Variants in PLA2G4A observed in about 807,000 individuals in gnomAD.
PLA2G4A encodes cytosolic phospholipase A2.
A neutral mutation model predicts 81.9 loss-of-function variants in PLA2G4A; 40 were observed. The observed-to-expected ratio is 0.49, with a 90% confidence interval of 0.38 to 0.64. PLA2G4A has a LOEUF of 0.64. PLA2G4A is among the 30% of genes least tolerant of loss of function. The pLI, the probability that PLA2G4A is intolerant of heterozygous loss-of-function variation, is 0.00. For synonymous variants in PLA2G4A, 302 were observed against 296.9 expected (o/e 1.02, Z -0.18); for missense variants, 715 against 905.1 (o/e 0.79, Z 2.69).
chr1:186,871,497 T>G (rs1653267472), intron 3 of PLA2G4A, among the ~76,000 whole-genome samples: 4 of 152,120 alleles, frequency 2.6e-5, no homozygotes, highest in Admixed American at 2.6e-4. Context: ...CAGGTAGGGT[T>G]CCCAGCCCAA....
At chr1:186,907,565 C>G (rs1039713309) in intron 6 of PLA2G4A, among the ~76,000 whole-genome samples, 1 of 152,188 alleles carries the variant, frequency 6.6e-6, no homozygotes, top group Non-Finnish European at 1.5e-5. Context: ...GGCAAGTCTG[C>G]CTTGATCTAA....
intron 6 of PLA2G4A, among the ~76,000 whole-genome samples, chr1:186,907,503 ACT>A (rs1654783276): frequency 6.6e-6 from 1 of 152,192 alleles, no homozygotes; most frequent in Non-Finnish European, 1.5e-5. Context: ...GGCCTCCAAA[ACT>A]GAACGTTAGG....
chr1:186,868,069 TTC>T (rs1653098262), intron 2 of PLA2G4A, among the ~76,000 whole-genome samples: 1 of 119,472 alleles, frequency 8.4e-6, no homozygotes, highest in African/African-American at 3.1e-5. Flanking sequence ...CGGTGTATAA[TTC>T]TTTTTTTTTT....
chr1:186,924,304 T>C (rs888077441), intron 7 of PLA2G4A, among the ~76,000 whole-genome samples: 4 of 152,238 alleles, frequency 2.6e-5, no homozygotes, highest in Non-Finnish European at 4.4e-5. Context: ...CTCCAACATT[T>C]TCTATACAAG....
At chr1:186,916,262 G>T (rs1337015943) in intron 7 of PLA2G4A, among the ~76,000 whole-genome samples, 4 of 152,134 alleles carry the variant, frequency 2.6e-5, no homozygotes, top group Non-Finnish European at 5.9e-5. Flanking sequence ...TTCCAGTGAG[G>T]ATTAAGGGGA....
At chr1:186,852,050 A>T (rs1652392535) in intron 1 of PLA2G4A, among the ~76,000 whole-genome samples, 1 of 151,988 alleles carries the variant, frequency 6.6e-6, no homozygotes, top group South Asian at 2.1e-4. Flanking sequence ...CTGGGCTTGA[A>T]AATTATCCCT....
At chr1:186,909,078 A>G (rs1057236802) in intron 6 of PLA2G4A, among the ~76,000 whole-genome samples, 2 of 135,142 alleles carry the variant, frequency 1.5e-5, no homozygotes, top group African/African-American at 2.8e-5. Context: ...GGTTCACGCC[A>G]TTCTCCTGCC....
At chr1:186,955,106 T>C (rs1201755484) in intron 13 of PLA2G4A, among the ~76,000 whole-genome samples, 2 of 152,144 alleles carry the variant, frequency 1.3e-5, no homozygotes, top group African/African-American at 4.8e-5. Context: ...GACCATACAA[T>C]ATAATTTCCC....
chr1:186,839,224 G>A (rs1259212784), intron 1 of PLA2G4A, among the ~76,000 whole-genome samples: 1 of 152,214 alleles, frequency 6.6e-6, no homozygotes, highest in African/African-American at 2.4e-5. Flanking sequence ...AGAAGAGAGA[G>A]TGTTTTTTGT....
chr1:186,968,622 A>C (rs6662570), intron 15 of PLA2G4A, among the ~76,000 whole-genome samples: 23,608 of 151,728 alleles, frequency 0.16, 2,493 homozygotes, highest in African/African-American at 0.3. Flanking sequence ...CTGTATACAG[A>C]TACGTATTTA....
intron 3 of PLA2G4A, among the ~76,000 whole-genome samples, chr1:186,885,588 G>A (rs1653907818): frequency 6.6e-6 from 1 of 152,052 alleles, no homozygotes; most frequent in Non-Finnish European, 1.5e-5. Context: ...GAATATGAGT[G>A]TAACAAAAAT....
chr1:186,958,992 G>T lies in PLA2G4A; in HGVS notation c.1579+2648G>T, dbSNP rs75663116. 9.2e-5 allele frequency among the ~76,000 whole-genome samples: 14 copies of T among 151,938 alleles called. 1 individual carries two copies. The highest frequency in any genetic ancestry group is 2.9e-4 in the African/African-American group (12 of 41,344). On this transcript the variant is annotated intron_variant, in intron 14 of 17. Coordinates refer to ENST00000367466, the MANE Select transcript of PLA2G4A (RefSeq NM_024420.3). ...GATTATCTGAAATTCAAATTAAACC[G>T]GGCATCCTGTATTTTTTTAGCTAAA...
At chr1:186,843,226 A>G (rs1467201607) in intron 1 of PLA2G4A, among the ~76,000 whole-genome samples, 2 of 152,230 alleles carry the variant, frequency 1.3e-5, no homozygotes. Context: ...TAAATCACTT[A>G]AAGTATCTTG....
At chr1:186,897,079 A>G (rs1320840644) in intron 5 of PLA2G4A, among the ~76,000 whole-genome samples, 3 of 152,232 alleles carry the variant, frequency 2.0e-5, no homozygotes, top group Admixed American at 2.0e-4. Context: ...TTATGGCAAC[A>G]CAGTGGAGGA....
chr1:186,872,128 C>T (rs1487893382), intron 3 of PLA2G4A, among the ~76,000 whole-genome samples: 2 of 152,030 alleles, frequency 1.3e-5, no homozygotes, highest in East Asian at 3.9e-4. Flanking sequence ...AAACTAGCTT[C>T]GATCAGATGT....
At chr1:186,843,879 T>C (rs1652075365) in intron 1 of PLA2G4A, among the ~76,000 whole-genome samples, 2 of 152,182 alleles carry the variant, frequency 1.3e-5, no homozygotes, top group Non-Finnish European at 1.5e-5. Context: ...CACTGGAATC[T>C]CTCTCTTCTC....
chr1:186,903,439 C>T (rs1385812394), intron 5 of PLA2G4A, among the ~76,000 whole-genome samples: 2 of 152,096 alleles, frequency 1.3e-5, no homozygotes, highest in African/African-American at 4.8e-5. Context: ...CAGGGGTCCC[C>T]AACCCCTGGT....
intron 17 of PLA2G4A, among the ~76,000 whole-genome samples, 180 bp downstream of exon 17, chr1:186,979,652 CAAAT>C (rs1353017996): frequency 6.6e-6 from 1 of 152,096 alleles, no homozygotes; most frequent in Non-Finnish European, 1.5e-5. Flanking sequence ...ACAAAACTGA[CAAAT>C]AAGGAAACTC....
At chr1:186,978,635 C>A (rs1657614231) in intron 16 of PLA2G4A, among the ~76,000 whole-genome samples, 1 of 152,194 alleles carries the variant, frequency 6.6e-6, no homozygotes, top group Non-Finnish European at 1.5e-5. Flanking sequence ...TTTTCTATCA[C>A]TGTGAATTCT....
Sources: allele counts gnomAD v4.1 joint callset (sites outside exome capture counted in the v4.1 genomes callset), GRCh38; gene constraint gnomAD v4.1.1; transcripts MANE v1.5; gene names NCBI Gene and HGNC (gene_info 2026-07-23, HGNC 2026-07-21).